MYH7B: variants seen among roughly 807,000 people sequenced by gnomAD.
MYH7B encodes myosin-7B.
In MYH7B, 205 loss-of-function variants were observed where a neutral mutation model predicts 234.5. The ratio of observed to expected loss-of-function variants is 0.87; its 90% CI spans 0.78 to 0.98. MYH7B has a LOEUF of 0.98. Among genes scored for constraint, MYH7B ranks in the 50% least tolerant of loss-of-function variants. The pLI, the probability that MYH7B is intolerant of heterozygous loss-of-function variation, is 0.00. For synonymous variants in MYH7B, 1,193 were observed against 1,105.0 expected (o/e 1.08, Z -1.58); for missense variants, 2,652 against 2,633.4 (o/e 1.01, Z -0.15).
rs375858882 is a variant in MYH7B, at chr20:35,001,558, G to A, written c.5676+32G>A. 228 of 1,559,694 alleles carry A rather than the reference G, an allele frequency of 1.5e-4. 3 individuals are homozygous for A. The South Asian group carries it at 2.3e-3, about 16-fold the overall frequency. ...GCGCTGGGGCCTGGACACCTGGACC[G>A]GGCACCCCAGCTCTGCCCCAGGGTC... is the stretch of plus-strand genomic sequence containing the variant. On this transcript the variant is annotated intron_variant, in intron 43 of 44. Coordinates refer to ENST00000262873, the Ensembl canonical transcript of MYH7B.
intron 6 of MYH7B, 53 bp from the exon 7 acceptor site, chr20:34,979,590 GGGTGGGGGTGACAGGTGA>G (rs1386458320): frequency 6.0e-5 from 97 of 1,607,406 alleles, no homozygotes; most frequent in Non-Finnish European, 7.6e-5. Context: ...CTGGGTATGT[GGGTGGGGGTGACAGGTGA>G]GGTCGGTCGG....
rs756850813 is a variant in MYH7B at position 34,984,838 on chromosome 20, A to AC, written c.649-11dup. 83 of 1,609,948 alleles carry AC rather than the reference A, an allele frequency of 5.2e-5. No individual in the cohort carries two copies. In the African/African-American group the frequency reaches 6.0e-4, roughly 12 times the overall value. ...GGCACCAGAACTGACAGACCCCCTC[A>AC]CCCCCACCGCCCCAGGGCACCCTTG... On this transcript the variant is annotated splice_polypyrimidine_tract_variant and intron_variant, in intron 11 of 44. Transcript: ENST00000262873.
chr20:34,994,086 T>C (rs7268266), intron 26 of MYH7B, 60 bp from the exon 27 acceptor site: 299,085 of 1,586,880 alleles, frequency 0.19, 29,417 homozygotes, highest in Middle Eastern at 0.33. Context: ...CTGTGCTGAG[T>C]GTCACCATTT....
At chr20:34,997,287 G>C in exon 32 of MYH7B, 1 of 1,556,796 alleles carries the variant, frequency 6.4e-7, no homozygotes, top group Non-Finnish European at 8.7e-7. Flanking sequence ...GCTGGAGGCA[G>C]AGCGGGCAGC....
chr20:34,980,958 G>A (rs2147176329), intron 8 of MYH7B, 75 bp from the exon 9 acceptor site: 1 of 1,600,672 alleles, frequency 6.2e-7, no homozygotes, highest in East Asian at 2.2e-5. Flanking sequence ...TGCCCCAGAT[G>A]GATACCCAGG....
At chr20:34,959,198 C>T (rs2081668920) in intron 2 of MYH7B, among the ~76,000 whole-genome samples, 1 of 152,206 alleles carries the variant, frequency 6.6e-6, no homozygotes, top group African/African-American at 2.4e-5. Flanking sequence ...GAGGAATTCA[C>T]AGACCTTCTC....
At chr20:35,000,148 G>T in intron 38 of MYH7B, 145 bp from the exon 39 acceptor site, 1 of 1,091,740 alleles carries the variant, frequency 9.2e-7, no homozygotes. Flanking sequence ...GCTCTGATGG[G>T]CCACAGGCAG....
chr20:34,981,317 C>T (rs1219297531), intron 9 of MYH7B: 2 of 452,122 alleles, frequency 4.4e-6, no homozygotes, highest in Admixed American at 8.5e-5. Context: ...ACCTCCTCTC[C>T]CCGGGGCCTG....
chr20:34,996,294 C>A (rs569473106), intron 28 of MYH7B, 52 bp from the exon 29 acceptor site: 2 of 1,538,878 alleles, frequency 1.3e-6, no homozygotes, highest in Non-Finnish European at 1.7e-6. Flanking sequence ...GTGTGGTGGC[C>A]GCTCAGAGTG....
In MYH7B at chr20:34,978,139, C is replaced by A. The variant is rs906938041; in HGVS notation, c.91+43C>A. On this transcript the variant is annotated intron_variant, in intron 5 of 44. Coordinates refer to ENST00000262873, the Ensembl canonical transcript of MYH7B. ...GGGAGGGGTCATAGCCACAGAGATGCCCTTATGGACTCAGACCAGGAATTG... is the reference window on the plus strand; with the variant it reads ...GGGAGGGGTCATAGCCACAGAGATGACCTTATGGACTCAGACCAGGAATTG... The A allele has an allele frequency of 5.6e-6, 9 of 1,608,132 alleles. No individual in the cohort carries two copies. In the African/African-American group the frequency reaches 1.2e-4, roughly 21 times the overall value.
exon 19 of MYH7B, chr20:34,988,187 C>T: frequency 1.2e-5 from 19 of 1,614,164 alleles, no homozygotes; most frequent in Non-Finnish European, 1.6e-5. Flanking sequence ...AGGAGGAGTA[C>T]AAGCGGGAGG....
At chr20:34,988,105 A>G in exon 19 of MYH7B, 1 of 1,613,592 alleles carries the variant, frequency 6.2e-7, no homozygotes, top group Non-Finnish European at 8.5e-7. Context: ...AACAGCTTCG[A>G]ACAGCTGTGC....
rs370237634 is a variant in MYH7B, at chr20:34,990,398, C to T, written c.1977+88C>T. The T allele has an allele frequency of 2.3e-5, 33 of 1,445,942 alleles. No homozygotes were observed. The Admixed American group carries it at 3.0e-4, about 13-fold the overall frequency. 89.6% of individuals were successfully genotyped at this position (1,445,942 alleles called of 1,614,324 possible). A position where few individuals can be genotyped will look rare whatever the true frequency, so the allele number is the denominator to read the frequency against. On this transcript the variant is annotated intron_variant, in intron 22 of 44. Transcript: ENST00000262873. ...CCTGCCCTGTCCCCTGTGCCTTGGG[C>T]GGGCGGCTGTTAAGACTTGCAGTGA... is the stretch of plus-strand genomic sequence containing the variant.
intron 2 of MYH7B, among the ~76,000 whole-genome samples, chr20:34,970,532 C>T (rs569471349): frequency 1.8e-4 from 27 of 151,834 alleles, no homozygotes; most frequent in Non-Finnish European, 3.4e-4. Flanking sequence ...CCCTGCCTCC[C>T]GGGATCTATT....
At chr20:34,980,586 A>G (rs2081926331) in exon 8 of MYH7B, 2 of 1,613,854 alleles carry the variant, frequency 1.2e-6, no homozygotes, top group East Asian at 4.5e-5. Context: ...AGACCTACTC[A>G]GGCCTCTTCT....
intron 16 of MYH7B, 82 bp from the exon 17 acceptor site, chr20:34,987,475 T>C: frequency 1.4e-6 from 2 of 1,438,300 alleles, no homozygotes; most frequent in South Asian, 2.5e-5. Flanking sequence ...AACTTCCCTC[T>C]CCTAGCCCCA....
exon 39 of MYH7B, chr20:35,000,383 G>C (rs749510753): frequency 8.8e-6 from 14 of 1,599,560 alleles, no homozygotes; most frequent in Admixed American, 6.7e-5. Context: ...TCAAGAAGAA[G>C]ATGGAGGGTG....
At position 34,998,290 on chromosome 20, in the gene MYH7B, C is replaced by T; in HGVS notation, c.3748-5C>T. 2 of 1,613,804 alleles carry T rather than the reference C, an allele frequency of 1.2e-6. No individual in the cohort carries two copies. The highest frequency in any genetic ancestry group is 1.7e-6 in the Non-Finnish European group (2 of 1,179,976). On this transcript the variant is annotated splice_polypyrimidine_tract_variant and splice_region_variant and intron_variant, in intron 32 of 44. Transcript: ENST00000262873. ...TGACCCCTGACTCCCAACCTGGGAT[C>T]CTAGGCCAGTGCAGAGAAGCTGTGC...
At chr20:34,962,224 C>T (rs1430769978) in intron 2 of MYH7B, among the ~76,000 whole-genome samples, 1 of 152,098 alleles carries the variant, frequency 6.6e-6, no homozygotes, top group Non-Finnish European at 1.5e-5. Context: ...GAGACCCTGT[C>T]TCAAAAATAA....
Sources: gnomAD v4.1 joint callset for allele counts (sites outside exome capture counted in the v4.1 genomes callset) on GRCh38, gnomAD v4.1.1 for gene constraint, MANE v1.5 for transcripts, NCBI Gene and HGNC (gene_info 2026-07-23, HGNC 2026-07-21) for gene names.